The following EIF2AK3 variants were observed in gnomAD, a reference collection of about 807,000 sequenced individuals.
EIF2AK3 encodes the protein eukaryotic translation initiation factor 2 alpha kinase 3, also known as eukaryotic translation initiation factor 2-alpha kinase 3.
A neutral mutation model predicts 113.5 loss-of-function variants in EIF2AK3; 50 were observed. The ratio of observed to expected loss-of-function variants is 0.44; its 90% confidence interval spans 0.35 to 0.56. The LOEUF (loss-of-function observed/expected upper bound fraction) is 0.56, where lower values mean the gene tolerates loss of function less well. EIF2AK3 is among the 20% of genes least tolerant of loss of function. EIF2AK3 has a pLI of 0.00. For missense variants in EIF2AK3, 1,185 were observed against 1,378.0 expected (o/e 0.86, Z 2.22); for synonymous variants, 448 against 495.4 (o/e 0.90, Z 1.27).
chr2:88,620,212 G>A (rs763503471), intron 1 of EIF2AK3, among the ~76,000 whole-genome samples: 4 of 151,972 alleles, frequency 2.6e-5, no homozygotes, highest in Admixed American at 6.6e-5. Flanking sequence ...ATTTGGTTTC[G>A]GTGTACTTTC....
chr2:88,609,718 A>AT (rs1379891172), intron 2 of EIF2AK3, among the ~76,000 whole-genome samples: 1 of 152,142 alleles, frequency 6.6e-6, no homozygotes, highest in Admixed American at 6.5e-5. Context: ...TTTGGTAGAC[A>AT]TTTTCTAAAA....
chr2:88,597,922 G>C (rs1380658303), intron 2 of EIF2AK3, among the ~76,000 whole-genome samples: 1 of 152,078 alleles, frequency 6.6e-6, no homozygotes, highest in Admixed American at 6.6e-5. Flanking sequence ...CATACCCGGT[G>C]CCCAAATTTT....
chr2:88,578,024 C>T (rs569766965), intron 11 of EIF2AK3, among the ~76,000 whole-genome samples: 1 of 152,268 alleles, frequency 6.6e-6, no homozygotes, highest in Admixed American at 6.5e-5. Flanking sequence ...TACAGAAGCA[C>T]CAAAAAGGTA....
intron 2 of EIF2AK3, among the ~76,000 whole-genome samples, chr2:88,610,805 C>T: frequency 6.6e-6 from 1 of 151,838 alleles, no homozygotes; most frequent in East Asian, 1.9e-4. Flanking sequence ...GCCTGTAATC[C>T]CAGCACTTTG....
intron 11 of EIF2AK3, among the ~76,000 whole-genome samples, chr2:88,579,212 T>C (rs890805847): frequency 1.3e-5 from 2 of 152,216 alleles, no homozygotes; most frequent in African/African-American, 4.8e-5. Flanking sequence ...TTTCCTTATT[T>C]ATACAAAAAT....
rs1438799680 is a variant in EIF2AK3 at position 88,588,859 on chromosome 2, A to G, written c.1208T>C (p.Ile403Thr). 6.2e-7 allele frequency: 1 copy of G among 1,613,860 alleles called. No homozygotes were observed. Among genetic ancestry groups the G allele is most frequent in the Non-Finnish European group, 8.5e-7 (1 of 1,179,866 alleles). The change falls in exon 7 of 17, where the codon ATT becomes ACT. Residue 403 changes from isoleucine to threonine, a missense_variant. Ile to Thr is a moderately conservative substitution (Grantham distance 89). Around this residue, in one of 3 missense-constraint regions of EIF2AK3, gnomAD observed 877 missense variants for 1,024.2 expected, o/e 0.86. Coordinates refer to ENST00000303236, the MANE Select transcript of EIF2AK3 (RefSeq NM_004836.7). Reference protein sequence around the residue: ...GQLYLQSSVRISEKFPSSPKA... With the variant: ...GQLYLQSSVRTSEKFPSSPKA... ...GGGACTTGAAGGAAACTTTTCTGAAATTCTGACTGATGACTGCAGATACAG... is the reference window on the plus strand; with the variant it reads ...GGGACTTGAAGGAAACTTTTCTGAAGTTCTGACTGATGACTGCAGATACAG...
At chr2:88,582,612 ATATC>A (rs1478971071) in intron 10 of EIF2AK3, among the ~76,000 whole-genome samples, 2 of 152,156 alleles carry the variant, frequency 1.3e-5, no homozygotes, top group African/African-American at 2.4e-5. Flanking sequence ...TTGTGCATCT[ATATC>A]TATATAGAAG....
In EIF2AK3 at chr2:88,585,981, G is replaced by A. The variant is rs1674719939; in HGVS notation, c.1510C>T (p.Pro504Ser). The part of the protein sequence containing the change: ...TQITVRFLDN[P>S]HYNKNIRKKD... ...TTGCGGATATTCTTGTTGTAATGTGGGTTGTCGAGGAATCTGACTGTAATC... is the reference window on the plus strand; with the variant it reads ...TTGCGGATATTCTTGTTGTAATGTGAGTTGTCGAGGAATCTGACTGTAATC... The change falls in exon 9 of 17, where the codon CCA (proline) becomes TCA (serine). Residue 504 changes from proline to serine, a missense_variant. By Grantham distance (74) the Pro-to-Ser change is moderately conservative. Transcript: ENST00000303236. 6 of 1,614,088 alleles carry A rather than the reference G, an allele frequency of 3.7e-6. No individual in the cohort carries two copies. The highest frequency in any genetic ancestry group is 5.1e-6 in the Non-Finnish European group (6 of 1,179,992).
At chr2:88,598,913 G>A (rs1573411852) in intron 2 of EIF2AK3, among the ~76,000 whole-genome samples, 1 of 152,150 alleles carries the variant, frequency 6.6e-6, no homozygotes, top group East Asian at 1.9e-4. Context: ...AAAAACAAGT[G>A]TGTATGAGGG....
At chr2:88,606,660 C>A (rs1427293477) in intron 2 of EIF2AK3, among the ~76,000 whole-genome samples, 2 of 152,190 alleles carry the variant, frequency 1.3e-5, no homozygotes, top group African/African-American at 4.8e-5. Flanking sequence ...ATTACAGATC[C>A]TCTTTTAATA....
At chr2:88,599,814 A>C (rs567293485) in intron 2 of EIF2AK3, among the ~76,000 whole-genome samples, 1 of 152,248 alleles carries the variant, frequency 6.6e-6, no homozygotes, top group Non-Finnish European at 1.5e-5. Context: ...TAAGTGCAAA[A>C]ATCAACTGCC....
chr2:88,617,528 G>A (rs1019811558), intron 1 of EIF2AK3, among the ~76,000 whole-genome samples: 1 of 151,716 alleles, frequency 6.6e-6, no homozygotes, highest in African/African-American at 2.4e-5. Context: ...GGCCAGGTGC[G>A]GTGGCTCACG....
rs572443084 is a variant in EIF2AK3, at chr2:88,577,715, A to G, written c.1887-1012T>C. Reference sequence around the variant, plus strand: ...TTCTTCCTCTCTTCCATCCTCCCCTATTCTTACCCTTTGTTCCATCTACTC... The same window carrying G: ...TTCTTCCTCTCTTCCATCCTCCCCTGTTCTTACCCTTTGTTCCATCTACTC... On this transcript the variant is annotated intron_variant, in intron 11 of 16. Coordinates refer to ENST00000303236, the MANE Select transcript of EIF2AK3 (RefSeq NM_004836.7). Among the ~76,000 whole-genome samples the G allele has an allele frequency of 5.3e-5, 8 of 151,864 alleles. No homozygotes were observed. The South Asian group carries it at 1.7e-3, about 32-fold the overall frequency.
intron 10 of EIF2AK3, 61 bp downstream of exon 10, chr2:88,583,369 A>T: frequency 7.4e-7 from 1 of 1,352,738 alleles, no homozygotes; most frequent in South Asian, 1.2e-5. Context: ...AAAAAAAGTT[A>T]AACAAGATCT....
chr2:88,579,472 A>T (rs372145962), intron 11 of EIF2AK3, 46 bp downstream of exon 11: 1 of 1,610,628 alleles, frequency 6.2e-7, no homozygotes, highest in Admixed American at 1.7e-5. Context: ...ATGAGATTAG[A>T]TCACACTGTG....
intron 14 of EIF2AK3, among the ~76,000 whole-genome samples, chr2:88,570,041 G>T (rs1674255710): frequency 6.6e-6 from 1 of 151,712 alleles, no homozygotes; most frequent in Non-Finnish European, 1.5e-5. Context: ...AGGGGAATTG[G>T]TGCCTGTAAT....
intron 13 of EIF2AK3, among the ~76,000 whole-genome samples, chr2:88,572,178 T>C (rs1674329650): frequency 6.6e-6 from 1 of 152,208 alleles, no homozygotes; most frequent in African/African-American, 2.4e-5. Context: ...CTCCAATAAA[T>C]AACTTTGTAC....
At chr2:88,584,527 G>GAA (rs66817563) in intron 9 of EIF2AK3, among the ~76,000 whole-genome samples, 49 of 73,306 alleles carry the variant, frequency 6.7e-4, no homozygotes, top group African/African-American at 1.9e-3. Context: ...CCCTGTCTCT[G>GAA]AAAAAAAAAA....
Position 88,557,059 on chromosome 2 carries a change from T to C in EIF2AK3, c.*677A>G, listed in dbSNP as rs551097068. 6.5e-6 allele frequency: 1 copy of C among 152,738 alleles called. No homozygotes were observed. Among genetic ancestry groups the C allele is most frequent in the African/African-American group, 2.4e-5 (1 of 41,564 alleles). The allele number at this position is 152,738 out of a possible 1,614,324, so 9.5% of individuals were successfully genotyped here. On this transcript the variant is annotated 3_prime_UTR_variant, in exon 17 of 17. Transcript: ENST00000303236. ...TGATCCATTTCTTACTACGGCTTTT[T>C]TCCTCCCAAAACTAGACCTTTCAAC...
Sources: gnomAD v4.1 joint callset for allele counts (sites outside exome capture counted in the v4.1 genomes callset) on GRCh38, gnomAD v4.1.1 for gene constraint, gnomAD v4.1.1 regional missense constraint, MANE v1.5 for transcripts, NCBI Gene and HGNC (gene_info 2026-07-23, HGNC 2026-07-21) for gene names.